Variants in TOMM20 observed in about 807,000 individuals in gnomAD.
TOMM20 encodes mitochondrial import receptor subunit TOM20 homolog.
Under a neutral mutation model 22.1 loss-of-function variants are expected in TOMM20, and 10 were observed. The ratio of observed to expected loss-of-function variants is 0.45; its 90% CI spans 0.28 to 0.77. The LOEUF (loss-of-function observed/expected upper bound fraction) is 0.77, where lower values mean the gene tolerates loss of function less well. TOMM20 is among the 30% of genes least tolerant of loss of function. The pLI, the probability that TOMM20 is intolerant of heterozygous loss-of-function variation, is 0.13. For missense variants in TOMM20, 121 were observed against 172.2 expected (o/e 0.70, Z 1.66); for synonymous variants, 55 against 61.4 (o/e 0.90, Z 0.49).
intron 1 of TOMM20, among the ~76,000 whole-genome samples, chr1:235,127,091 G>C (rs1035664154): frequency 6.6e-6 from 1 of 152,154 alleles, no homozygotes; most frequent in Non-Finnish European, 1.5e-5. Context: ...GGTTTCCAAC[G>C]GAAGATAGGG....
In TOMM20 at chr1:235,110,496, TG is replaced by T. The variant is rs1558126983; in HGVS notation, c.*1567del. 1 of 152,198 alleles carries T rather than the reference TG, an allele frequency of 6.6e-6. No individual in the cohort carries two copies. Among genetic ancestry groups the T allele is most frequent in the Non-Finnish European group, 1.5e-5 (1 of 68,076 alleles). The allele number at this position is 152,198 out of a possible 1,614,324, so 9.4% of individuals were successfully genotyped here. On this transcript the variant is annotated 3_prime_UTR_variant, in exon 5 of 5. Transcript: ENST00000366607. ...TCATCCCCCCAAAAAAGCCCTCCTG[TG>T]TAACAAAAAAGCACTGTTTAAGGGT...
At chr1:235,116,137 C>T (rs894357830) in intron 3 of TOMM20, among the ~76,000 whole-genome samples, 10 of 152,058 alleles carry the variant, frequency 6.6e-5, no homozygotes, top group Non-Finnish European at 8.8e-5. Flanking sequence ...ACGGGAACGG[C>T]GGCTCACACC....
chr1:235,118,909 T>C (rs561201217), intron 3 of TOMM20, among the ~76,000 whole-genome samples: 1 of 152,312 alleles, frequency 6.6e-6, no homozygotes, highest in African/African-American at 2.4e-5. Context: ...AGCAATTCTA[T>C]TGATATCAAA....
chr1:235,111,658 T>C lies in TOMM20; in HGVS notation c.*406A>G, dbSNP rs553454726. The C allele has an allele frequency of 6.2e-6, 1 of 160,288 alleles. No homozygotes were observed. The highest frequency in any genetic ancestry group is 1.8e-4 in the South Asian group (1 of 5,672). 9.9% of individuals were successfully genotyped at this position (160,288 alleles called of 1,614,324 possible). A position where few individuals can be genotyped will look rare whatever the true frequency, so the allele number is the denominator to read the frequency against. On this transcript the variant is annotated 3_prime_UTR_variant, in exon 5 of 5. Transcript: ENST00000366607. ...CAGTCAAGTCTATCAAATTTCCAGATTTACAGCAAAATGTGCCCTCTAAAA... is the reference window on the plus strand; with the variant it reads ...CAGTCAAGTCTATCAAATTTCCAGACTTACAGCAAAATGTGCCCTCTAAAA...
intron 3 of TOMM20, among the ~76,000 whole-genome samples, chr1:235,114,312 T>C (rs1188775454): frequency 6.6e-6 from 1 of 152,166 alleles, no homozygotes; most frequent in African/African-American, 2.4e-5. Flanking sequence ...TTTGTACTAT[T>C]TGAATGGTAT....
At chr1:235,126,508 T>C (rs1380366213) in intron 1 of TOMM20, among the ~76,000 whole-genome samples, 1 of 151,960 alleles carries the variant, frequency 6.6e-6, no homozygotes, top group Non-Finnish European at 1.5e-5. Flanking sequence ...ATATTTCTAC[T>C]CATAAAAATA....
At chr1:235,128,425 A>G (rs1424748591) in intron 1 of TOMM20, among the ~76,000 whole-genome samples, 170 bp downstream of exon 1, 1 of 152,252 alleles carries the variant, frequency 6.6e-6, no homozygotes, top group African/African-American at 2.4e-5. Flanking sequence ...TGGAATTCCT[A>G]CGGGGCACTA....
Position 235,111,895 on chromosome 1 carries a change from A to G in TOMM20, c.*169T>C. The G allele has an allele frequency of 1.6e-6, 1 of 644,486 alleles. No individual in the cohort carries two copies. Among genetic ancestry groups the G allele is most frequent in the Non-Finnish European group, 2.7e-6 (1 of 364,576 alleles). 39.9% of individuals were successfully genotyped at this position (644,486 alleles called of 1,614,324 possible). On this transcript the variant is annotated 3_prime_UTR_variant, in exon 5 of 5. Coordinates refer to ENST00000366607, the MANE Select transcript of TOMM20 (RefSeq NM_014765.3). ...TATCAAAATACACTTTTCACTGGGAAAAATAAATAAAATAGACAAATGGAT... is the reference window on the plus strand; with the variant it reads ...TATCAAAATACACTTTTCACTGGGAGAAATAAATAAAATAGACAAATGGAT...
In TOMM20 at chr1:235,128,575, G is replaced by A. The variant is rs777905861; in HGVS notation, c.121+20C>T. 3 of 1,611,876 alleles carry A rather than the reference G, an allele frequency of 1.9e-6. No individual in the cohort carries two copies. The highest frequency in any genetic ancestry group is 8.5e-7 in the Non-Finnish European group (1 of 1,179,794). On this transcript the variant is annotated intron_variant, in intron 1 of 4. Coordinates refer to ENST00000366607, the MANE Select transcript of TOMM20 (RefSeq NM_014765.3). ...GGCCGAAGGCAGCAAGCCTGGCCAG[G>A]GGAGAGAGGACCCACTCACGTTCTC...
At chr1:235,116,046 G>A (rs1335444780) in intron 3 of TOMM20, among the ~76,000 whole-genome samples, 6 of 152,160 alleles carry the variant, frequency 3.9e-5, no homozygotes, top group African/African-American at 1.2e-4. Flanking sequence ...TAGCCCAGTG[G>A]TCTCATGTCT....
intron 2 of TOMM20, among the ~76,000 whole-genome samples, chr1:235,121,643 T>C (rs1196579025): frequency 6.6e-6 from 1 of 152,154 alleles, no homozygotes; most frequent in African/African-American, 2.4e-5. Flanking sequence ...CCACTAATGA[T>C]CCAGTAATCC....
intron 1 of TOMM20, chr1:235,127,709 C>T (rs1468648786): frequency 2.9e-6 from 1 of 347,206 alleles, no homozygotes; most frequent in Admixed American, 3.2e-5. Flanking sequence ...AACAAATTTG[C>T]TCTTCAATGA....
chr1:235,111,947 T>C lies in TOMM20; in HGVS notation c.*117A>G. On this transcript the variant is annotated 3_prime_UTR_variant, in exon 5 of 5. Transcript: ENST00000366607. ...TACACAAAGTAAACATTAACTTTGG[T>C]AGATTTCAGTGTAGTTCATAACAAG... 1 of 787,168 alleles carries C rather than the reference T, an allele frequency of 1.3e-6. No homozygotes were observed. The highest frequency in any genetic ancestry group is 2.5e-5 in the East Asian group (1 of 39,596). The allele number at this position is 787,168 out of a possible 1,614,324, so 48.8% of individuals were successfully genotyped here. A position where few individuals can be genotyped will look rare whatever the true frequency, so the allele number is the denominator to read the frequency against.
chr1:235,109,472 A>G lies in TOMM20; in HGVS notation c.*2592T>C, dbSNP rs1034411280. 1 of 152,262 alleles carries G rather than the reference A, an allele frequency of 6.6e-6. No homozygotes were observed. Among genetic ancestry groups the G allele is most frequent in the Non-Finnish European group, 1.5e-5 (1 of 68,036 alleles). The allele number at this position is 152,262 out of a possible 1,614,324, so 9.4% of individuals were successfully genotyped here. A position where few individuals can be genotyped will look rare whatever the true frequency, so the allele number is the denominator to read the frequency against. The stretch of plus-strand genomic sequence containing the variant: ...ACCAATTTTCTCAATCTCTTCTGCA[A>G]TAACATCTCATTAACACTCTGGTCC... On this transcript the variant is annotated 3_prime_UTR_variant, in exon 5 of 5. Coordinates refer to ENST00000366607, the MANE Select transcript of TOMM20 (RefSeq NM_014765.3).
chr1:235,112,115 GA>G lies in TOMM20; in HGVS notation c.394-8del, dbSNP rs745835333. 626 of 1,478,876 alleles carry G rather than the reference GA, an allele frequency of 4.2e-4. No individual in the cohort carries two copies. The highest frequency in any genetic ancestry group is 9.7e-4 in the Admixed American group (49 of 50,602). 91.6% of individuals were successfully genotyped at this position (1,478,876 alleles called of 1,614,324 possible). ...TCTGAGCACTTACAATTCTCTGAAAGAAAAAAAAAATAATTTTTTAAAGTGT... is the reference window on the plus strand; with the variant it reads ...TCTGAGCACTTACAATTCTCTGAAAGAAAAAAAAATAATTTTTTAAAGTGT... On this transcript the variant is annotated splice_region_variant and splice_polypyrimidine_tract_variant and intron_variant, in intron 4 of 4. Coordinates refer to ENST00000366607, the MANE Select transcript of TOMM20 (RefSeq NM_014765.3).
At chr1:235,123,174 C>T (rs1217474888) in intron 1 of TOMM20, among the ~76,000 whole-genome samples, 2 of 152,128 alleles carry the variant, frequency 1.3e-5, no homozygotes, top group Non-Finnish European at 2.9e-5. Context: ...TCTACAAATC[C>T]AAGCTTCAAT....
chr1:235,111,573 C>A lies in TOMM20; in HGVS notation c.*491G>T, dbSNP rs543973880. 1.3e-4 allele frequency: 21 copies of A among 160,448 alleles called. No homozygotes were observed. The highest frequency in any genetic ancestry group is 5.0e-4 in the African/African-American group (21 of 41,628). The allele number at this position is 160,448 out of a possible 1,614,324, so 9.9% of individuals were successfully genotyped here. ...CAGCACACCTCACATATTTACGTCT[C>A]AGAGATTAAATGGAAAGAAAGGATC... is the stretch of plus-strand genomic sequence containing the variant. On this transcript the variant is annotated 3_prime_UTR_variant, in exon 5 of 5. Coordinates refer to ENST00000366607, the MANE Select transcript of TOMM20 (RefSeq NM_014765.3).
chr1:235,118,945 C>T (rs749898889), intron 3 of TOMM20, among the ~76,000 whole-genome samples: 4 of 152,130 alleles, frequency 2.6e-5, no homozygotes, highest in African/African-American at 7.2e-5. Context: ...AAAGGGGAGA[C>T]GTGATAAAGT....
At chr1:235,117,609 G>A (rs1040135295) in intron 3 of TOMM20, among the ~76,000 whole-genome samples, 18 of 152,268 alleles carry the variant, frequency 1.2e-4, no homozygotes, top group African/African-American at 2.6e-4. Flanking sequence ...GTCAGCTGAC[G>A]GCAAGCCTGG....
Sources: gnomAD v4.1 joint callset for allele counts (sites outside exome capture counted in the v4.1 genomes callset) on GRCh38, gnomAD v4.1.1 for gene constraint, MANE v1.5 for transcripts, NCBI Gene and HGNC (gene_info 2026-07-23, HGNC 2026-07-21) for gene names.